ZBTB20: variants seen among roughly 807,000 people sequenced by gnomAD.
The protein encoded by ZBTB20 is zinc finger and BTB domain containing 20, also known as zinc finger and BTB domain-containing protein 20.
ZBTB20 carries 9 observed loss-of-function variants against 56.9 expected under a neutral mutation model. The ratio of observed to expected loss-of-function variants is 0.16; its 90% CI spans 0.10 to 0.28. The LOEUF (loss-of-function observed/expected upper bound fraction) is 0.28. Ranked by LOEUF, ZBTB20 falls within the 10% of genes least tolerant of loss-of-function variation. The pLI, the probability that ZBTB20 is intolerant of heterozygous loss-of-function variation, is 1.00. For missense variants in ZBTB20, 655 were observed against 1,003.0 expected (o/e 0.65, Z 4.69); for synonymous variants, 417 against 420.7 (o/e 0.99, Z 0.11).
At chr3:114,957,888 C>A (rs937631645) in intron 3 of ZBTB20, among the ~76,000 whole-genome samples, 1 of 152,176 alleles carries the variant, frequency 6.6e-6, no homozygotes, top group African/African-American at 2.4e-5. Context: ...GTACACTGTT[C>A]CAGCTACTTA....
rs2079114681 is a variant in ZBTB20, at chr3:114,327,938, C to A, written c.*11067G>T. On this transcript the variant is annotated 3_prime_UTR_variant, in exon 12 of 12. Transcript: ENST00000675478. ...TATAAGCATCCTGAAAAGGATACAC[C>A]CAGAATGGTATCAGTCAGTCTTTTG... is the stretch of plus-strand genomic sequence containing the variant. 1 of 151,984 alleles carries A rather than the reference C, an allele frequency of 6.6e-6. No homozygotes were observed. The highest frequency in any genetic ancestry group is 1.5e-5 in the Non-Finnish European group (1 of 68,008). The allele number at this position is 151,984 out of a possible 1,614,324, so 9.4% of individuals were successfully genotyped here.
At chr3:115,111,399 C>G (rs912299347) in intron 1 of ZBTB20, among the ~76,000 whole-genome samples, 27 of 151,964 alleles carry the variant, frequency 1.8e-4, no homozygotes, top group Middle Eastern at 3.4e-3. Context: ...CAATACATAC[C>G]TCTTATGATG....
chr3:114,372,102 G>A (rs1202107420), intron 10 of ZBTB20, among the ~76,000 whole-genome samples: 2 of 152,200 alleles, frequency 1.3e-5, no homozygotes, highest in Non-Finnish European at 2.9e-5. Flanking sequence ...GGGCAGTAGT[G>A]CATGTGGCCT....
intron 1 of ZBTB20, among the ~76,000 whole-genome samples, chr3:115,138,643 ATACT>A (rs1209621813): frequency 6.6e-6 from 1 of 152,088 alleles, no homozygotes; most frequent in Non-Finnish European, 1.5e-5. Context: ...TTTGAACAAG[ATACT>A]TACCCTTTCT....
Position 114,771,134 on chromosome 3 carries a change from G to A in ZBTB20, c.-343+29967C>T, listed in dbSNP as rs2069162955. Among the ~76,000 whole-genome samples the A allele has an allele frequency of 2.0e-5, 3 of 151,892 alleles. No homozygotes were observed. The South Asian group carries it at 6.2e-4, about 31-fold the overall frequency. Reference sequence around the variant, plus strand: ...TTTTTTTCATTTGTATTACTTAAATGTTTACTTAACTGGGAAATAGAAGAT... The same window carrying A: ...TTTTTTTCATTTGTATTACTTAAATATTTACTTAACTGGGAAATAGAAGAT... On this transcript the variant is annotated intron_variant, in intron 5 of 11. Transcript: ENST00000675478.
At chr3:114,635,424 A>G (rs2059205944) in intron 6 of ZBTB20, among the ~76,000 whole-genome samples, 2 of 152,170 alleles carry the variant, frequency 1.3e-5, no homozygotes, top group South Asian at 4.1e-4. Flanking sequence ...AGGAACACAA[A>G]GAGTCATCTC....
At chr3:114,872,961 A>G (rs2076063982) in intron 4 of ZBTB20, among the ~76,000 whole-genome samples, 1 of 152,170 alleles carries the variant, frequency 6.6e-6, no homozygotes, top group Admixed American at 6.6e-5. Flanking sequence ...TTCATAGTCT[A>G]ATCAACTAAT....
chr3:114,875,108 G>A (rs1431475321), intron 4 of ZBTB20, among the ~76,000 whole-genome samples: 1 of 151,958 alleles, frequency 6.6e-6, no homozygotes, highest in African/African-American at 2.4e-5. Context: ...CCCCCATCTA[G>A]CTATGCCATT....
intron 5 of ZBTB20, among the ~76,000 whole-genome samples, chr3:114,784,042 T>C (rs905750708): frequency 1.3e-5 from 2 of 152,222 alleles, no homozygotes; most frequent in East Asian, 1.9e-4. Context: ...ATGCAAGGTA[T>C]AACCTATAGT....
chr3:114,864,595 A>C (rs753953117), intron 4 of ZBTB20, among the ~76,000 whole-genome samples: 37 of 152,116 alleles, frequency 2.4e-4, no homozygotes, highest in Admixed American at 1.6e-3. Context: ...GTTTACCATA[A>C]AAATTTTCAC....
intron 6 of ZBTB20, among the ~76,000 whole-genome samples, chr3:114,534,073 G>C (rs151259273): frequency 6.6e-6 from 1 of 152,258 alleles, no homozygotes; most frequent in Non-Finnish European, 1.5e-5. Flanking sequence ...TGAAGAAACT[G>C]CATCAACTAA....
At chr3:114,585,306 T>C (rs10514757) in intron 6 of ZBTB20, among the ~76,000 whole-genome samples, 4,715 of 152,120 alleles carry the variant, frequency 0.031, 120 homozygotes, top group South Asian at 0.11. Flanking sequence ...ATGGGTCTGA[T>C]TAGGTTTAGA....
chr3:114,542,240 C>T (rs1424774180), intron 6 of ZBTB20, among the ~76,000 whole-genome samples: 1 of 151,922 alleles, frequency 6.6e-6, no homozygotes, highest in African/African-American at 2.4e-5. Flanking sequence ...GCTGCCATGC[C>T]CAATATTTTC....
chr3:114,753,498 G>A (rs2067768357), intron 5 of ZBTB20, among the ~76,000 whole-genome samples: 1 of 140,360 alleles, frequency 7.1e-6, no homozygotes, highest in Admixed American at 8.1e-5. Flanking sequence ...GCAATGGAGC[G>A]ATCTCAGCTC....
At chr3:114,979,074 T>C (rs940180901) in intron 2 of ZBTB20, among the ~76,000 whole-genome samples, 1 of 151,958 alleles carries the variant, frequency 6.6e-6, no homozygotes, top group Non-Finnish European at 1.5e-5. Flanking sequence ...AAATAGGATT[T>C]ATAAAGATAA....
chr3:114,935,513 T>A (rs2076503664), intron 3 of ZBTB20, among the ~76,000 whole-genome samples: 1 of 152,172 alleles, frequency 6.6e-6, no homozygotes, highest in South Asian at 2.1e-4. Flanking sequence ...TTAAAAAAAA[T>A]TAGGTTAAAG....
intron 7 of ZBTB20, among the ~76,000 whole-genome samples, chr3:114,477,677 T>C (rs1368114256): frequency 6.6e-6 from 1 of 151,864 alleles, no homozygotes; most frequent in Non-Finnish European, 1.5e-5. Context: ...GTATTTTTAG[T>C]AGAGACGGGG....
intron 2 of ZBTB20, among the ~76,000 whole-genome samples, chr3:115,035,570 C>CACACACAA (rs370833677): frequency 6.6e-6 from 1 of 151,400 alleles, no homozygotes; most frequent in African/African-American, 2.4e-5. Context: ...CACACACACA[C>CACACACAA]AAAACAAGTT....
chr3:114,342,894 T>C (rs1178301200), intron 11 of ZBTB20, among the ~76,000 whole-genome samples: 1 of 151,996 alleles, frequency 6.6e-6, no homozygotes, highest in Non-Finnish European at 1.5e-5. Flanking sequence ...TGGCAAGAAG[T>C]GGTATATGGA....
Sources: gnomAD v4.1 joint callset for allele counts (sites outside exome capture counted in the v4.1 genomes callset) on GRCh38, gnomAD v4.1.1 for gene constraint, MANE v1.5 for transcripts, NCBI Gene and HGNC (gene_info 2026-07-23, HGNC 2026-07-21) for gene names.